Variants in CRYBG1 observed in about 807,000 individuals in gnomAD.
CRYBG1 encodes the protein beta/gamma crystallin domain-containing protein 1.
A neutral mutation model predicts 189.2 loss-of-function variants in CRYBG1; 139 were observed. That is an observed-to-expected ratio of 0.73 (90% CI 0.64 to 0.85). The LOEUF is 0.85. Among genes scored for constraint, CRYBG1 ranks in the 40% least tolerant of loss-of-function variants. The pLI, the probability that CRYBG1 is intolerant of heterozygous loss-of-function variation, is 0.00. For synonymous variants in CRYBG1, 1,023 were observed against 1,017.1 expected (o/e 1.01, Z -0.11); for missense variants, 2,611 against 2,675.8 (o/e 0.98, Z 0.53).
chr6:106,455,611 C>G (rs1191321085), intron 2 of CRYBG1, among the ~76,000 whole-genome samples: 3 of 151,720 alleles, frequency 2.0e-5, no homozygotes, highest in Non-Finnish European at 4.4e-5. Context: ...TATTTTAATC[C>G]TCCTTGAATT....
intron 2 of CRYBG1, among the ~76,000 whole-genome samples, chr6:106,502,145 C>T (rs1328477497): frequency 6.6e-6 from 1 of 152,218 alleles, no homozygotes; most frequent in African/African-American, 2.4e-5. Flanking sequence ...ACTTAATCAC[C>T]ATCTCCTGCA....
chr6:106,458,018 TG>T (rs1324176384), intron 2 of CRYBG1, among the ~76,000 whole-genome samples: 1 of 152,080 alleles, frequency 6.6e-6, no homozygotes, highest in African/African-American at 2.4e-5. Context: ...GTGATAAGGG[TG>T]GGGGAAATAA....
Position 106,560,783 on chromosome 6 carries a change from G to T in CRYBG1, c.5856-20G>T. The T allele has an allele frequency of 1.3e-6, 2 of 1,595,264 alleles. No individual in the cohort carries two copies. The highest frequency in any genetic ancestry group is 2.3e-5 in the South Asian group (2 of 87,296). ...TGTCAAATGAAAATTGCCACTTACTGTGGTTATTTTTGTTTTCAGATGGGT... is the reference window on the plus strand; with the variant it reads ...TGTCAAATGAAAATTGCCACTTACTTTGGTTATTTTTGTTTTCAGATGGGT... On this transcript the variant is annotated intron_variant, in intron 18 of 21. Transcript: ENST00000633556.
Position 106,513,021 on chromosome 6 carries a change from T to C in CRYBG1, c.1904T>C (p.Val635Ala). Residue 635 changes from valine to alanine, a missense_variant, in exon 3 of 22, where the codon GTG becomes GCG. Physicochemically the swap from Val to Ala is moderately conservative, Grantham distance 64 (BLOSUM62 0). Coordinates refer to ENST00000633556, the MANE Select transcript of CRYBG1 (RefSeq NM_001371242.2). ...RNHFGVGRST[V>A]TTKVTLPAKP... ...CATTTCGGCGTGGGCAGGTCGACAG[T>C]GACCACTAAAGTGACCCTGTAAGTA... The C allele has an allele frequency of 6.2e-7, 1 of 1,604,466 alleles. No individual in the cohort carries two copies. Among genetic ancestry groups the C allele is most frequent in the South Asian group, 1.1e-5 (1 of 90,832 alleles).
intron 2 of CRYBG1, among the ~76,000 whole-genome samples, chr6:106,496,196 A>G (rs1034975881): frequency 6.6e-6 from 1 of 152,262 alleles, no homozygotes; most frequent in Admixed American, 6.5e-5. Context: ...AATAAATTAT[A>G]AGAAATAACA....
chr6:106,433,731 A>ATATATG (rs1554235092), intron 1 of CRYBG1, among the ~76,000 whole-genome samples: 541 of 53,318 alleles, frequency 0.01, 19 homozygotes, highest in African/African-American at 0.043. Context: ...ATATATATAT[A>ATATATG]TATACATATA....
intron 21 of CRYBG1, among the ~76,000 whole-genome samples, chr6:106,566,261 A>T (rs566587109): frequency 2.0e-5 from 3 of 151,614 alleles, no homozygotes; most frequent in Non-Finnish European, 4.4e-5. Context: ...TTACATTAGC[A>T]GCGGACCAGA....
intron 1 of CRYBG1, among the ~76,000 whole-genome samples, chr6:106,395,080 G>T (rs1770578653): frequency 6.6e-6 from 1 of 150,926 alleles, no homozygotes; most frequent in African/African-American, 2.4e-5. Context: ...ATGTATTAAT[G>T]TAATATTTTT....
intron 1 of CRYBG1, among the ~76,000 whole-genome samples, chr6:106,436,289 C>T (rs1392705559): frequency 8.2e-6 from 1 of 121,688 alleles, no homozygotes; most frequent in Non-Finnish European, 1.6e-5. Context: ...CGTTGACATG[C>T]AATCTCTTTT....
At chr6:106,482,173 C>G (rs927928865) in intron 2 of CRYBG1, among the ~76,000 whole-genome samples, 4 of 152,186 alleles carry the variant, frequency 2.6e-5, no homozygotes, top group Non-Finnish European at 5.9e-5. Context: ...GAATTCATCT[C>G]CTTGAAGTTG....
chr6:106,457,490 G>T (rs1421256001), intron 2 of CRYBG1, among the ~76,000 whole-genome samples: 2 of 152,130 alleles, frequency 1.3e-5, no homozygotes, highest in Non-Finnish European at 2.9e-5. Flanking sequence ...GAGTTTTGTA[G>T]GGGACAAATA....
In CRYBG1 at chr6:106,520,943, CTTG is replaced by C; in HGVS notation, c.3738_3740del (p.Leu1247del). 1 of 1,614,204 alleles carries C rather than the reference CTTG, an allele frequency of 6.2e-7. No individual in the cohort carries two copies. Among genetic ancestry groups the C allele is most frequent in the Non-Finnish European group, 8.5e-7 (1 of 1,180,028 alleles). Reference sequence around the variant, plus strand: ...TAGAAAAAAGTGCACTTTTCTCAAGCTTGTTATCTTCTTTACCACAAGACAAAA... The same window carrying C: ...TAGAAAAAAGTGCACTTTTCTCAAGCTTATCTTCTTTACCACAAGACAAAA... On this transcript the variant is annotated inframe_deletion, in exon 4 of 22. Transcript: ENST00000633556.
intron 1 of CRYBG1, among the ~76,000 whole-genome samples, chr6:106,364,173 A>C (rs1306237237): frequency 2.0e-5 from 3 of 152,102 alleles, no homozygotes; most frequent in Non-Finnish European, 4.4e-5. Flanking sequence ...AAAAGTACAA[A>C]AAAATTAGCT....
At chr6:106,504,930 GAATATCCTGGAAGTTATTAAAAA>G in intron 2 of CRYBG1, among the ~76,000 whole-genome samples, 1 of 149,712 alleles carries the variant, frequency 6.7e-6, no homozygotes, top group African/African-American at 2.5e-5. Context: ...TCTTCAGAAT[GAATATCCTGGAAGTTATTAAAAA>G]AAAAAAAGAA....
intron 1 of CRYBG1, among the ~76,000 whole-genome samples, chr6:106,450,672 G>A (rs1419236645): frequency 6.6e-6 from 1 of 152,190 alleles, no homozygotes; most frequent in African/African-American, 2.4e-5. Context: ...TTTCCTCTCT[G>A]CTTTTTCCTC....
intron 1 of CRYBG1, among the ~76,000 whole-genome samples, chr6:106,395,263 A>G (rs1201561272): frequency 6.6e-6 from 1 of 151,514 alleles, no homozygotes; most frequent in Non-Finnish European, 1.5e-5. Flanking sequence ...AAAAAAATAA[A>G]AAACTGCTTC....
intron 2 of CRYBG1, among the ~76,000 whole-genome samples, chr6:106,476,270 A>G (rs1031339304): frequency 1.3e-5 from 2 of 152,180 alleles, no homozygotes; most frequent in Non-Finnish European, 2.9e-5. Flanking sequence ...GGTGAGCAGC[A>G]TGGTGGAGAA....
At chr6:106,486,178 G>A (rs1223076363) in intron 2 of CRYBG1, among the ~76,000 whole-genome samples, 1 of 152,122 alleles carries the variant, frequency 6.6e-6, no homozygotes, top group Non-Finnish European at 1.5e-5. Flanking sequence ...TTTGTCTCAA[G>A]AAACTTTTAA....
At chr6:106,424,908 A>G (rs1381316259) in intron 1 of CRYBG1, among the ~76,000 whole-genome samples, 3 of 151,992 alleles carry the variant, frequency 2.0e-5, no homozygotes, top group Non-Finnish European at 2.9e-5. Flanking sequence ...CCTCACCCTC[A>G]AGTCCTTCCA....
Sources: allele counts gnomAD v4.1 joint callset (sites outside exome capture counted in the v4.1 genomes callset), GRCh38; gene constraint gnomAD v4.1.1; transcripts MANE v1.5; gene names NCBI Gene and HGNC (gene_info 2026-07-23, HGNC 2026-07-21).